KANSL1L: variants seen among roughly 807,000 people sequenced by gnomAD.
The protein encoded by KANSL1L is KAT8 regulatory NSL complex subunit 1-like protein.
Under a neutral mutation model 108.6 loss-of-function variants are expected in KANSL1L, and 25 were observed. That is an observed-to-expected ratio of 0.23 (90% CI 0.17 to 0.32). The LOEUF (loss-of-function observed/expected upper bound fraction) is 0.32. Ranked by LOEUF, KANSL1L falls within the 10% of genes least tolerant of loss-of-function variation. The pLI is 1.00. For missense variants in KANSL1L, 1,137 were observed against 1,125.7 expected, an observed-to-expected ratio of 1.01 and a Z score of -0.14; for synonymous variants, 405 against 395.1, an observed-to-expected ratio of 1.03 and a Z score of -0.30.
intron 13 of KANSL1L, 30 bp from the exon 14 acceptor site, chr2:210,024,231 T>A (rs1355509461): frequency 6.7e-7 from 1 of 1,501,786 alleles, no homozygotes; most frequent in Admixed American, 2.3e-5. Context: ...AACACAATTA[T>A]TTTTTATTTT....
Position 210,123,024 on chromosome 2 carries a change from T to C in KANSL1L, c.1230+6007A>G, listed in dbSNP as rs181873813. On this transcript the variant is annotated intron_variant, in intron 3 of 14. Transcript: ENST00000281772. ...CTCACCCCAGTTAAAATAGCTTCTA[T>C]CCAAAGGTCAGGGAATAAAACATGC... 5.9e-5 allele frequency among the ~76,000 whole-genome samples: 9 copies of C among 152,232 alleles called. No individual in the cohort carries two copies. The East Asian group carries it at 1.5e-3, about 26-fold the overall frequency.
chr2:210,159,650 A>C (rs1313043019), intron 1 of KANSL1L, among the ~76,000 whole-genome samples: 2 of 152,236 alleles, frequency 1.3e-5, no homozygotes, highest in Admixed American at 6.5e-5. Flanking sequence ...AGTAGTAACA[A>C]CACCTATTTC....
At chr2:210,051,682 T>C (rs2125229819) in intron 6 of KANSL1L, among the ~76,000 whole-genome samples, 1 of 152,316 alleles carries the variant, frequency 6.6e-6, no homozygotes, top group East Asian at 1.9e-4. Flanking sequence ...TCAATGGCAA[T>C]TTCATTCTTA....
At chr2:210,092,147 T>C (rs1014648130) in intron 5 of KANSL1L, among the ~76,000 whole-genome samples, 1 of 152,168 alleles carries the variant, frequency 6.6e-6, no homozygotes, top group Admixed American at 6.5e-5. Flanking sequence ...GTAGATTTCT[T>C]TTTAGTTGTC....
At chr2:210,119,201 G>GA (rs1184246848) in intron 3 of KANSL1L, among the ~76,000 whole-genome samples, 7 of 149,080 alleles carry the variant, frequency 4.7e-5, no homozygotes, top group Admixed American at 6.7e-5. Flanking sequence ...AGAAAAAAAA[G>GA]AAAAAAAAAG....
At chr2:210,151,568 G>C (rs1466201192) in intron 2 of KANSL1L, 3 of 152,072 alleles carry the variant, frequency 2.0e-5, no homozygotes, top group African/African-American at 7.3e-5. Context: ...ATAAGTATGT[G>C]TTTAGAGTCA....
intron 6 of KANSL1L, among the ~76,000 whole-genome samples, chr2:210,064,517 G>A (rs1282241622): frequency 1.3e-5 from 2 of 151,958 alleles, no homozygotes; most frequent in African/African-American, 4.8e-5. Context: ...TACTGCTCTA[G>A]TAGAAAAATT....
chr2:210,138,394 A>G (rs2095194753), intron 2 of KANSL1L, among the ~76,000 whole-genome samples: 1 of 152,156 alleles, frequency 6.6e-6, no homozygotes, highest in Non-Finnish European at 1.5e-5. Flanking sequence ...AATGGGATCA[A>G]TCAGACCCCA....
At chr2:210,047,515 T>C (rs1322681709) in intron 6 of KANSL1L, among the ~76,000 whole-genome samples, 1 of 152,254 alleles carries the variant, frequency 6.6e-6, no homozygotes, top group Non-Finnish European at 1.5e-5. Flanking sequence ...CAATAACATG[T>C]TCCTCATTTC....
At chr2:210,153,272 T>A (rs2095314698) in intron 2 of KANSL1L, 1 of 392,788 alleles carries the variant, frequency 2.5e-6, no homozygotes, top group African/African-American at 2.1e-5. Flanking sequence ...GAAAATTGTT[T>A]GAACCCGGGA....
chr2:210,164,489 ATACTT>A (rs1181281979), intron 1 of KANSL1L, among the ~76,000 whole-genome samples: 2 of 152,112 alleles, frequency 1.3e-5, no homozygotes, highest in Non-Finnish European at 2.9e-5. Context: ...AACTACTAAA[ATACTT>A]TATTATATTA....
At chr2:210,092,898 T>C (rs762248867) in intron 5 of KANSL1L, among the ~76,000 whole-genome samples, 2 of 152,082 alleles carry the variant, frequency 1.3e-5, no homozygotes, top group Non-Finnish European at 2.9e-5. Flanking sequence ...GTCTCCACCA[T>C]GATCAGAACA....
intron 1 of KANSL1L, among the ~76,000 whole-genome samples, chr2:210,158,160 G>C (rs2095343776): frequency 6.6e-6 from 1 of 152,174 alleles, no homozygotes; most frequent in African/African-American, 2.4e-5. Flanking sequence ...ACTGGATTTA[G>C]TAACTCACTT....
intron 2 of KANSL1L, among the ~76,000 whole-genome samples, chr2:210,130,929 A>G (rs2125548551): frequency 6.6e-6 from 1 of 152,284 alleles, no homozygotes; most frequent in East Asian, 1.9e-4. Context: ...GAAAACAACT[A>G]AGATGTTATC....
At chr2:210,026,948 T>C (rs375370161) in intron 12 of KANSL1L, among the ~76,000 whole-genome samples, 3 of 152,274 alleles carry the variant, frequency 2.0e-5, no homozygotes, top group African/African-American at 7.2e-5. Context: ...TTTTTTTGTA[T>C]TTTTAGTAGA....
At chr2:210,037,936 A>G (rs1035056491) in intron 8 of KANSL1L, among the ~76,000 whole-genome samples, 1 of 152,144 alleles carries the variant, frequency 6.6e-6, no homozygotes, top group African/African-American at 2.4e-5. Context: ...AACAAGGTCC[A>G]TACATTGCAT....
intron 3 of KANSL1L, among the ~76,000 whole-genome samples, chr2:210,109,918 C>T (rs2094888004): frequency 6.6e-6 from 1 of 152,032 alleles, no homozygotes; most frequent in South Asian, 2.1e-4. Flanking sequence ...AGCTCTTAAC[C>T]TGCTTCTTGT....
intron 4 of KANSL1L, among the ~76,000 whole-genome samples, chr2:210,099,147 G>A (rs1433598057): frequency 1.3e-5 from 2 of 152,092 alleles, no homozygotes; most frequent in Non-Finnish European, 2.9e-5. Context: ...TGAGTTTTCT[G>A]AGTATATGTA....
chr2:210,149,088 T>C (rs1390231262), intron 2 of KANSL1L, among the ~76,000 whole-genome samples: 1 of 152,056 alleles, frequency 6.6e-6, no homozygotes, highest in Non-Finnish European at 1.5e-5. Context: ...TTGTGGCCCA[T>C]TTAATATTAG....
Sources: gnomAD v4.1 joint callset for allele counts (sites outside exome capture counted in the v4.1 genomes callset) on GRCh38, gnomAD v4.1.1 for gene constraint, MANE v1.5 for transcripts, NCBI Gene and HGNC (gene_info 2026-07-23, HGNC 2026-07-21) for gene names.